DROSHA: variants seen among roughly 807,000 people sequenced by gnomAD.
DROSHA encodes ribonuclease 3.
DROSHA carries 56 observed loss-of-function variants against 181.9 expected under a neutral mutation model. The observed-to-expected ratio is 0.31, with a 90% CI of 0.25 to 0.38. DROSHA has a LOEUF of 0.38. Among genes scored for constraint, DROSHA ranks in the 10% least tolerant of loss-of-function variants. DROSHA has a pLI of 1.00. For missense variants in DROSHA, 1,218 were observed against 1,743.5 expected (o/e 0.70, Z 5.37); for synonymous variants, 524 against 591.2 (o/e 0.89, Z 1.65).
intron 16 of DROSHA, among the ~76,000 whole-genome samples, chr5:31,476,372 G>C (rs1410889968): frequency 6.6e-6 from 1 of 151,158 alleles, no homozygotes; most frequent in Non-Finnish European, 1.5e-5. Context: ...ATCAAAGAAA[G>C]AAAGAAAGAA....
intron 11 of DROSHA, among the ~76,000 whole-genome samples, chr5:31,496,474 C>A (rs191465749): frequency 1.3e-5 from 2 of 152,330 alleles, no homozygotes; most frequent in Admixed American, 1.3e-4. Flanking sequence ...GCAAGGTGGC[C>A]TATACAGGGC....
chr5:31,502,465 G>A (rs978448395), intron 11 of DROSHA, among the ~76,000 whole-genome samples: 1 of 152,174 alleles, frequency 6.6e-6, no homozygotes, highest in African/African-American at 2.4e-5. Context: ...GTAAGGCCTG[G>A]CCAAGAGATA....
intron 6 of DROSHA, among the ~76,000 whole-genome samples, chr5:31,517,265 A>T (rs1395577755): frequency 2.0e-5 from 3 of 152,332 alleles, no homozygotes; most frequent in African/African-American, 7.2e-5. Flanking sequence ...TATGCATTGT[A>T]ACCGTTTCCA....
intron 6 of DROSHA, among the ~76,000 whole-genome samples, chr5:31,518,142 C>A (rs1013491804): frequency 1.4e-5 from 1 of 72,236 alleles, no homozygotes; most frequent in Non-Finnish European, 3.1e-5. Context: ...CAAACCTGTA[C>A]AACATGTGAC....
At chr5:31,455,978 G>A (rs989924180) in intron 20 of DROSHA, among the ~76,000 whole-genome samples, 2 of 152,072 alleles carry the variant, frequency 1.3e-5, no homozygotes, top group Non-Finnish European at 2.9e-5. Context: ...TTTTATGCCA[G>A]AAAACAATGA....
At chr5:31,413,927 T>A (rs1296057259) in intron 30 of DROSHA, among the ~76,000 whole-genome samples, 1 of 152,154 alleles carries the variant, frequency 6.6e-6, no homozygotes, top group Non-Finnish European at 1.5e-5. Flanking sequence ...TTGAAAAGAT[T>A]GATGTAGGTG....
At chr5:31,502,076 A>G (rs1435010794) in intron 11 of DROSHA, among the ~76,000 whole-genome samples, 1 of 152,256 alleles carries the variant, frequency 6.6e-6, no homozygotes, top group East Asian at 1.9e-4. Flanking sequence ...ACCTCCTACA[A>G]TGAAGAAAGC....
At chr5:31,487,361 C>T (rs933504403) in intron 13 of DROSHA, among the ~76,000 whole-genome samples, 1 of 152,184 alleles carries the variant, frequency 6.6e-6, no homozygotes, top group African/African-American at 2.4e-5. Flanking sequence ...GAAGGCTCAG[C>T]ATAAAATAAA....
At chr5:31,480,120 G>A (rs935734041) in intron 16 of DROSHA, among the ~76,000 whole-genome samples, 9 of 141,552 alleles carry the variant, frequency 6.4e-5, no homozygotes, top group Non-Finnish European at 1.4e-4. Context: ...TACCTAGATA[G>A]TGTTTTTTTT....
chr5:31,529,734 C>CAAAAAAAAAAAAAAA (rs70955715), intron 3 of DROSHA, among the ~76,000 whole-genome samples: 5 of 91,294 alleles, frequency 5.5e-5, no homozygotes, highest in African/African-American at 8.1e-5. Context: ...AAAAAACAAA[C>CAAAAAAAAAAAAAAA]AAAAAAAAAA....
rs1402077365 is a variant in DROSHA, at chr5:31,484,594, T to C, written c.1996+287A>G. Among the ~76,000 whole-genome samples, 3 of 152,102 alleles carry C rather than the reference T, an allele frequency of 2.0e-5. No individual in the cohort carries two copies. In the East Asian group the frequency reaches 5.8e-4, roughly 29 times the overall value. ...CTAGATTTAAAATATTAACTAATGGTAATTTCCCAGGTACACATATATCAA... is the reference window on the plus strand; with the variant it reads ...CTAGATTTAAAATATTAACTAATGGCAATTTCCCAGGTACACATATATCAA... On this transcript the variant is annotated intron_variant, in intron 15 of 35. Coordinates refer to ENST00000344624, the MANE Select transcript of DROSHA (RefSeq NM_001382508.1).
intron 16 of DROSHA, among the ~76,000 whole-genome samples, chr5:31,480,197 T>TATATATATATATATATATATATATAG: frequency 8.5e-6 from 1 of 118,284 alleles, no homozygotes; most frequent in Non-Finnish European, 1.9e-5. Flanking sequence ...TATATATATA[T>TATATATATATATATATATATATATAG]ATATATACTG....
chr5:31,417,551 G>C (rs1406941409), intron 30 of DROSHA, among the ~76,000 whole-genome samples: 1 of 149,816 alleles, frequency 6.7e-6, no homozygotes, highest in Non-Finnish European at 1.5e-5. Flanking sequence ...AAAGTGGTCA[G>C]AATCTACACA....
At chr5:31,493,171 A>T in intron 13 of DROSHA, 36 bp downstream of exon 13, 1 of 1,576,190 alleles carries the variant, frequency 6.3e-7, no homozygotes, top group Non-Finnish European at 8.6e-7. Flanking sequence ...AGGAGGTACA[A>T]GGAAAGAGAA....
chr5:31,523,248 G>A (rs1740104536), intron 5 of DROSHA, among the ~76,000 whole-genome samples: 1 of 152,150 alleles, frequency 6.6e-6, no homozygotes, highest in Non-Finnish European at 1.5e-5. Flanking sequence ...TATGCCACTA[G>A]GCAGCTCCAG....
At chr5:31,476,729 G>A (rs1750410291) in intron 16 of DROSHA, among the ~76,000 whole-genome samples, 1 of 152,190 alleles carries the variant, frequency 6.6e-6, no homozygotes, top group African/African-American at 2.4e-5. Context: ...CCATGGAAAG[G>A]TAAGAGGAGA....
At chr5:31,414,434 T>C (rs148047066) in intron 30 of DROSHA, among the ~76,000 whole-genome samples, 1 of 152,306 alleles carries the variant, frequency 6.6e-6, no homozygotes, top group Non-Finnish European at 1.5e-5. Context: ...GTGTTAGAGA[T>C]AGCAAAAAGC....
intron 33 of DROSHA, 193 bp downstream of exon 33, chr5:31,408,863 C>T: frequency 1.9e-6 from 1 of 527,660 alleles, no homozygotes; most frequent in Non-Finnish European, 3.3e-6. Flanking sequence ...GAGTGGGACC[C>T]ACTTATTACA....
At chr5:31,529,722 C>CA (rs1741024439) in intron 3 of DROSHA, among the ~76,000 whole-genome samples, 1 of 71,584 alleles carries the variant, frequency 1.4e-5, no homozygotes, top group African/African-American at 5.9e-5. Flanking sequence ...GCGACAGTCT[C>CA]AAAAAAACAA....
Sources: gnomAD v4.1 joint callset for allele counts (sites outside exome capture counted in the v4.1 genomes callset) on GRCh38, gnomAD v4.1.1 for gene constraint, MANE v1.5 for transcripts, NCBI Gene and HGNC (gene_info 2026-07-23, HGNC 2026-07-21) for gene names.